The following CFAP20DC variants were observed in gnomAD, a reference collection of about 807,000 sequenced individuals.
CFAP20DC encodes CFAP20 domain containing.
A neutral mutation model predicts 101.7 loss-of-function variants in CFAP20DC; 84 were observed. The observed-to-expected ratio is 0.83, with a 90% CI of 0.69 to 0.99. The LOEUF (loss-of-function observed/expected upper bound fraction) is 0.99, where lower values mean the gene tolerates loss of function less well. CFAP20DC is among the 50% of genes least tolerant of loss of function. CFAP20DC has a pLI of 0.00. For synonymous variants in CFAP20DC, 359 were observed against 351.2 expected (o/e 1.02, Z -0.25); for missense variants, 1,007 against 970.3 (o/e 1.04, Z -0.50).
chr3:59,041,598 T>C (rs1699393570), intron 3 of CFAP20DC, among the ~76,000 whole-genome samples: 1 of 152,170 alleles, frequency 6.6e-6, no homozygotes. Context: ...GTGGAAATTC[T>C]GTTAGTCAAA....
In CFAP20DC at chr3:58,849,165, C is replaced by G. The variant is rs1253075080; in HGVS notation, c.1838G>C (p.Gly613Ala). 2.0e-6 allele frequency: 3 copies of G among 1,535,998 alleles called. No homozygotes were observed. Among genetic ancestry groups the G allele is most frequent in the South Asian group, 1.2e-5 (1 of 84,038 alleles). Reference protein sequence around the residue: ...TCLSPTGRRCGSCQKTPEPVI... With the variant: ...TCLSPTGRRCASCQKTPEPVI... ...GGGCTCTGGAGTTTTCTGACAGGAC[C>G]CACACCTTCTTCCAGTTGGAGAAAG... Residue 613 changes from glycine (G) to alanine (A), a missense_variant, in exon 13 of 17, where the codon GGG becomes GCG. Transcript: ENST00000482387.
At chr3:58,734,973 G>C (rs2067718666) in intron 3 of CFAP20DC, among the ~76,000 whole-genome samples, 1 of 152,150 alleles carries the variant, frequency 6.6e-6, no homozygotes, top group Non-Finnish European at 1.5e-5. Flanking sequence ...TGCTCAGATT[G>C]AAATAGATGG....
At chr3:59,036,503 GACAA>G (rs1185076566) in intron 4 of CFAP20DC, among the ~76,000 whole-genome samples, 6 of 152,190 alleles carry the variant, frequency 3.9e-5, no homozygotes, top group East Asian at 1.9e-4. Context: ...ACCAATAATA[GACAA>G]ACAGAGAGCC....
chr3:58,768,556 C>G (rs1040742737), intron 15 of CFAP20DC, among the ~76,000 whole-genome samples: 1 of 152,168 alleles, frequency 6.6e-6, no homozygotes, highest in Non-Finnish European at 1.5e-5. Flanking sequence ...TGCCATTATC[C>G]TAGTCTATGT....
chr3:58,739,491 T>C (rs2067833163), downstream of CFAP20DC, among the ~76,000 whole-genome samples: 1 of 152,210 alleles, frequency 6.6e-6, no homozygotes, highest in Non-Finnish European at 1.5e-5. Context: ...GAAATTAAAG[T>C]CTTAAAATGA....
At position 59,015,615 on chromosome 3, in the gene CFAP20DC, A is replaced by G. The variant is rs2093672977; in HGVS notation, c.278+23942T>C. Among the ~76,000 whole-genome samples, 1 of 152,104 alleles carries G rather than the reference A, an allele frequency of 6.6e-6. No homozygotes were observed. Among genetic ancestry groups the G allele is most frequent in the Admixed American group, 6.6e-5 (1 of 15,258 alleles). On this transcript the variant is annotated intron_variant, in intron 4 of 16. Transcript: ENST00000482387. This position sits in a 1 kb window ranked among gnomAD's most constrained non-coding sequence, Gnocchi z 5.4. ...GGCTATAGATCCCTAGAAACAGCAT[A>G]TCTAATCCTCTAGTTTATTCACATT...
intron 12 of CFAP20DC, among the ~76,000 whole-genome samples, chr3:58,858,869 C>G (rs1042674288): frequency 6.6e-6 from 1 of 152,144 alleles, no homozygotes; most frequent in Non-Finnish European, 1.5e-5. Flanking sequence ...ATGTATACTT[C>G]TGTTGTTGAC....
intron 13 of CFAP20DC, among the ~76,000 whole-genome samples, chr3:58,838,785 G>GCAC (rs1226759577): frequency 6.6e-6 from 1 of 151,978 alleles, no homozygotes; most frequent in Non-Finnish European, 1.5e-5. Context: ...TAAGTTTCCC[G>GCAC]CACCTATCTT....
chr3:58,787,614 C>T (rs1007011187), intron 15 of CFAP20DC, among the ~76,000 whole-genome samples: 11 of 152,134 alleles, frequency 7.2e-5, no homozygotes, highest in African/African-American at 2.7e-4. Flanking sequence ...CCAGAAATAC[C>T]ATTTGACCCA....
At chr3:58,995,981 T>TCTAC (rs58960470) in intron 4 of CFAP20DC, among the ~76,000 whole-genome samples, 12 of 141,086 alleles carry the variant, frequency 8.5e-5, no homozygotes, top group African/African-American at 2.5e-4. Flanking sequence ...AATAAATCTA[T>TCTAC]CTATCTATCT....
chr3:58,767,605 C>T (rs1288126917), intron 15 of CFAP20DC, among the ~76,000 whole-genome samples: 1 of 152,116 alleles, frequency 6.6e-6, no homozygotes, highest in African/African-American at 2.4e-5. Flanking sequence ...TGTTTCCCAG[C>T]CTGGACTCTA....
intron 4 of CFAP20DC, among the ~76,000 whole-genome samples, chr3:58,974,249 G>C (rs925065345): frequency 6.6e-6 from 1 of 151,938 alleles, no homozygotes; most frequent in Non-Finnish European, 1.5e-5. Context: ...TTCAACCCTC[G>C]CCGTCCTCCC....
rs1188411649 is a variant in CFAP20DC, at chr3:58,859,961, G to A, written c.1593+3597C>T. The stretch of plus-strand genomic sequence containing the variant: ...TCGGAAGCCGAGGCAGGCAGATCAC[G>A]AGGTCAGGAGATCGAGACCATCCTG... On this transcript the variant is annotated intron_variant, in intron 12 of 16. Transcript: ENST00000482387. The surrounding 1 kb of genome is among the most constrained non-coding windows in gnomAD (Gnocchi z 4.1). Among the ~76,000 whole-genome samples, 2 of 151,900 alleles carry A rather than the reference G, an allele frequency of 1.3e-5. No individual in the cohort carries two copies. The highest frequency in any genetic ancestry group is 2.9e-5 in the Non-Finnish European group (2 of 67,972).
chr3:58,717,027 T>C (rs2067408364), downstream of CFAP20DC, among the ~76,000 whole-genome samples: 2 of 152,160 alleles, frequency 1.3e-5, no homozygotes, highest in Admixed American at 6.5e-5. The surrounding 1 kb of genome is among the most constrained non-coding windows in gnomAD (Gnocchi z 4.1). Flanking sequence ...GAAAGGCCCC[T>C]GAATTTTAGT....
chr3:58,723,848 TGA>T (rs1279930408), intron 3 of CFAP20DC, among the ~76,000 whole-genome samples: 1 of 152,164 alleles, frequency 6.6e-6, no homozygotes, highest in Non-Finnish European at 1.5e-5. Context: ...GGTGACTGAG[TGA>T]GTGGCATAGG....
chr3:59,037,409 T>C (rs1239769378), intron 4 of CFAP20DC, among the ~76,000 whole-genome samples: 1 of 150,926 alleles, frequency 6.6e-6, no homozygotes, highest in African/African-American at 2.4e-5. Context: ...ATCCAGAATC[T>C]ACCAGGAACT....
At chr3:58,843,485 C>G (rs2077337283) in intron 13 of CFAP20DC, among the ~76,000 whole-genome samples, 2 of 151,266 alleles carry the variant, frequency 1.3e-5, no homozygotes, top group Admixed American at 6.6e-5. Flanking sequence ...AAGAAATGAG[C>G]AAAGCCTCCA....
chr3:58,809,410 G>A lies in CFAP20DC; in HGVS notation c.2176-2954C>T, dbSNP rs552711107. Among the ~76,000 whole-genome samples, 337 of 152,146 alleles carry A rather than the reference G, an allele frequency of 2.2e-3. 2 individuals carry two copies. Among genetic ancestry groups the A allele is most frequent in the African/African-American group, 7.4e-3 (306 of 41,536 alleles). Reference sequence around the variant, plus strand: ...AGGATTAAGAAACTCACTTAAAACCGCTCAACTACATGGAAACTGAACAAC... The same window carrying A: ...AGGATTAAGAAACTCACTTAAAACCACTCAACTACATGGAAACTGAACAAC... On this transcript the variant is annotated intron_variant, in intron 14 of 16. Transcript: ENST00000482387.
intron 4 of CFAP20DC, among the ~76,000 whole-genome samples, chr3:58,947,792 G>C (rs1435562149): frequency 6.6e-6 from 1 of 152,218 alleles, no homozygotes; most frequent in African/African-American, 2.4e-5. Flanking sequence ...AGGGAGCAGG[G>C]AGAATAGGAC....
Sources: allele counts gnomAD v4.1 joint callset (sites outside exome capture counted in the v4.1 genomes callset), GRCh38; gene constraint gnomAD v4.1.1; non-coding constraint Gnocchi (gnomAD v3.1); transcripts MANE v1.5; gene names NCBI Gene and HGNC (gene_info 2026-07-23, HGNC 2026-07-21).